HNF4G: variants seen among roughly 807,000 people sequenced by gnomAD.
The protein encoded by HNF4G is hepatocyte nuclear factor 4 gamma.
In HNF4G, 21 loss-of-function variants were observed where a neutral mutation model predicts 50.9. The observed-to-expected ratio is 0.41, with a 90% CI of 0.29 to 0.59. HNF4G has a LOEUF of 0.59. Ranked by LOEUF, HNF4G falls within the 20% of genes least tolerant of loss-of-function variation. The pLI is 0.26. For synonymous variants in HNF4G, 198 were observed against 185.6 expected (o/e 1.07, Z -0.54); for missense variants, 527 against 559.4 (o/e 0.94, Z 0.58).
rs200724292 is a variant in HNF4G, at chr8:75,540,010, C to T, written c.48C>T (p.Tyr16=). The change falls in exon 1 of 10, where the codon TAC becomes TAT. Residue 16 remains tyrosine (Y), a synonymous_variant. Transcript: ENST00000396423. ...TACTGGACATGGACATGGCAAATTA[C>T]AGTGAAGTTTTGGACCCAACTTACA... ...EPILDMDMAN[Y]SEVLDPTYTT... The T allele has an allele frequency of 2.3e-4, 369 of 1,607,020 alleles. No individual in the cohort carries two copies. The highest frequency in any genetic ancestry group is 5.1e-4 in the South Asian group (46 of 90,958).
chr8:75,411,578 G>C (rs902829178), intron 1 of HNF4G, among the ~76,000 whole-genome samples: 1 of 152,134 alleles, frequency 6.6e-6, no homozygotes, highest in African/African-American at 2.4e-5. Context: ...ATGTTCCCCT[G>C]AAAACCTTTT....
Position 75,467,239 on chromosome 8 carries a change from C to T in HNF4G, c.-143-22850C>T, listed in dbSNP as rs1282205219. 2.6e-5 allele frequency among the ~76,000 whole-genome samples: 4 copies of T among 152,182 alleles called. No individual in the cohort carries two copies. In the East Asian group the frequency reaches 7.7e-4, roughly 29 times the overall value. ...TATTTATTCAAGAAATGTGTGAGTG[C>T]AAATTATGTGCTAAACATTTTAGCA... On this transcript the variant is annotated intron_variant, in intron 1 of 10. Transcript: ENST00000354370.
At chr8:75,421,980 G>A (rs1259493323) in intron 1 of HNF4G, among the ~76,000 whole-genome samples, 2 of 152,146 alleles carry the variant, frequency 1.3e-5, no homozygotes, top group Admixed American at 1.3e-4. Flanking sequence ...GATGGAGAAA[G>A]TTACTTACCT....
intron 1 of HNF4G, among the ~76,000 whole-genome samples, chr8:75,453,509 C>A (rs1331742369): frequency 7.0e-6 from 1 of 142,104 alleles, no homozygotes; most frequent in African/African-American, 2.5e-5. Flanking sequence ...CCCCTGCCCC[C>A]CCGCCCCGTA....
intron 2 of HNF4G, among the ~76,000 whole-genome samples, chr8:75,523,224 A>G (rs1369464713): frequency 6.6e-6 from 1 of 151,872 alleles, no homozygotes; most frequent in Non-Finnish European, 1.5e-5. Context: ...ACTCCGTCTG[A>G]AAAAAAAGAA....
At chr8:75,492,909 T>C (rs1563527737) in intron 2 of HNF4G, among the ~76,000 whole-genome samples, 1 of 151,882 alleles carries the variant, frequency 6.6e-6, no homozygotes, top group African/African-American at 2.4e-5. Flanking sequence ...GCAGGGAGAG[T>C]GCAGTTCTCT....
chr8:75,462,942 A>G (rs1009055459), intron 1 of HNF4G, among the ~76,000 whole-genome samples: 5 of 152,138 alleles, frequency 3.3e-5, no homozygotes, highest in African/African-American at 1.2e-4. Flanking sequence ...TTACATTTGC[A>G]AAAACTATTT....
chr8:75,548,730 A>T (rs187457302), intron 3 of HNF4G, among the ~76,000 whole-genome samples: 1 of 152,288 alleles, frequency 6.6e-6, no homozygotes, highest in African/African-American at 2.4e-5. Flanking sequence ...TGTTTTTCAC[A>T]ACTATTTCAC....
chr8:75,530,861 C>T (rs562642685), intron 2 of HNF4G, among the ~76,000 whole-genome samples: 38 of 146,342 alleles, frequency 2.6e-4, no homozygotes, highest in Non-Finnish European at 3.7e-4. Flanking sequence ...TGTGCGATCT[C>T]GGTTCACTGC....
chr8:75,453,274 G>T (rs57307486), intron 1 of HNF4G, among the ~76,000 whole-genome samples: 13 of 152,196 alleles, frequency 8.5e-5, no homozygotes, highest in Non-Finnish European at 1.8e-4. Context: ...TCTAGCAAGA[G>T]GTTTGTAAAA....
chr8:75,497,247 A>C (rs192416773), intron 2 of HNF4G, among the ~76,000 whole-genome samples: 1 of 152,290 alleles, frequency 6.6e-6, no homozygotes, highest in Admixed American at 6.5e-5. Context: ...TTTGTCAAGC[A>C]GAGGACACCA....
chr8:75,471,828 A>G (rs1046812970), intron 1 of HNF4G, among the ~76,000 whole-genome samples: 1 of 152,164 alleles, frequency 6.6e-6, no homozygotes, highest in Non-Finnish European at 1.5e-5. Flanking sequence ...AATTAAGGTG[A>G]AATTGGGGAA....
At chr8:75,551,659 A>AAG (rs1806964079) in intron 4 of HNF4G, among the ~76,000 whole-genome samples, 165 bp downstream of exon 4, 1 of 152,214 alleles carries the variant, frequency 6.6e-6, no homozygotes, top group Non-Finnish European at 1.5e-5. Flanking sequence ...GGGACTGCTG[A>AAG]CTTAATTTTG....
chr8:75,523,100 C>T (rs1196557627), intron 2 of HNF4G, among the ~76,000 whole-genome samples: 1 of 152,024 alleles, frequency 6.6e-6, no homozygotes, highest in African/African-American at 2.4e-5. Flanking sequence ...TGGCGGGCAC[C>T]TGTAATCGCA....
intron 2 of HNF4G, among the ~76,000 whole-genome samples, chr8:75,522,770 A>G (rs1448102299): frequency 6.6e-6 from 1 of 152,132 alleles, no homozygotes; most frequent in African/African-American, 2.4e-5. Context: ...GATTTCTCTA[A>G]TATGTTACCT....
At chr8:75,520,013 C>T (rs1161561701) in intron 2 of HNF4G, among the ~76,000 whole-genome samples, 1 of 151,770 alleles carries the variant, frequency 6.6e-6, no homozygotes, top group East Asian at 1.9e-4. Context: ...TTCTCTCTTC[C>T]AGCCTTCTCT....
At chr8:75,408,180 G>A (rs1488230961) in intron 1 of HNF4G, 1 of 147,696 alleles carries the variant, frequency 6.8e-6, no homozygotes, top group Non-Finnish European at 1.5e-5. Flanking sequence ...AGCGGGCAGT[G>A]GGGGGACCGG....
intron 2 of HNF4G, among the ~76,000 whole-genome samples, chr8:75,524,970 A>C (rs1303555514): frequency 1.3e-5 from 2 of 152,116 alleles, no homozygotes; most frequent in African/African-American, 4.8e-5. Flanking sequence ...ACTTGTATTA[A>C]CCTGTTTCAT....
At position 75,564,808 on chromosome 8, in the gene HNF4G, A is replaced by G. The variant is rs1209108149; in HGVS notation, c.*712A>G. On this transcript the variant is annotated 3_prime_UTR_variant, in exon 10 of 10. Coordinates refer to ENST00000396423, the MANE Select transcript of HNF4G (RefSeq NM_004133.5). ...ACTGTAACAAAGAAACCCCTAAAAC[A>G]GTGACTAAATCAAGAGAGGAATCTA... 3 of 152,364 alleles carry G rather than the reference A, an allele frequency of 2.0e-5. No individual in the cohort carries two copies. The highest frequency in any genetic ancestry group is 1.9e-4 in the East Asian group (1 of 5,186). The allele number at this position is 152,364 out of a possible 1,614,324, so 9.4% of individuals were successfully genotyped here.
Sources: allele counts gnomAD v4.1 joint callset (sites outside exome capture counted in the v4.1 genomes callset), GRCh38; gene constraint gnomAD v4.1.1; transcripts MANE v1.5; gene names NCBI Gene and HGNC (gene_info 2026-07-23, HGNC 2026-07-21).